ZSCAN5A: variants seen among roughly 807,000 people sequenced by gnomAD.
ZSCAN5A encodes zinc finger and SCAN domain-containing protein 5A.
ZSCAN5A carries 12 observed loss-of-function variants against 23.7 expected under a neutral mutation model. The observed-to-expected ratio is 0.51, with a 90% confidence interval of 0.32 to 0.82. The LOEUF (loss-of-function observed/expected upper bound fraction) is 0.82, where lower values mean the gene tolerates loss of function less well. Ranked by LOEUF, ZSCAN5A falls within the 40% of genes least tolerant of loss-of-function variation. ZSCAN5A has a pLI of 0.03. For synonymous variants in ZSCAN5A, 257 were observed against 239.9 expected, an observed-to-expected ratio of 1.07 and a Z score of -0.66; for missense variants, 597 against 617.9, an observed-to-expected ratio of 0.97 and a Z score of 0.36.
At chr19:56,281,045 CAT>C (rs940432517) in intron 2 of ZSCAN5A, among the ~76,000 whole-genome samples, 16 of 152,144 alleles carry the variant, frequency 1.1e-4, no homozygotes, top group Non-Finnish European at 2.2e-4. Flanking sequence ...TTACTAATAA[CAT>C]AAACAGTAGA....
intron 2 of ZSCAN5A, among the ~76,000 whole-genome samples, chr19:56,337,396 A>G (rs2041549769): frequency 6.6e-6 from 1 of 152,224 alleles, no homozygotes; most frequent in Non-Finnish European, 1.5e-5. Context: ...TGTGGGATAT[A>G]ATCTCCTGGT....
intron 2 of ZSCAN5A, among the ~76,000 whole-genome samples, chr19:56,239,151 C>T (rs1013653212): frequency 3.3e-5 from 5 of 152,108 alleles, no homozygotes; most frequent in Admixed American, 6.5e-5. Context: ...TCACAGGGAG[C>T]TTGAAGTTCA....
intron 2 of ZSCAN5A, chr19:56,247,242 T>C (rs934720508): frequency 1.9e-5 from 8 of 421,562 alleles, no homozygotes; most frequent in African/African-American, 1.4e-4. Flanking sequence ...GTGACATCTG[T>C]CACAAACGGT....
intron 2 of ZSCAN5A, chr19:56,281,695 A>G: frequency 1.0e-6 from 1 of 985,318 alleles, no homozygotes; most frequent in Non-Finnish European, 1.2e-6. Context: ...CCTTCCAGTC[A>G]ACTGTAAGTC....
In ZSCAN5A at chr19:56,243,797, TG is replaced by T. The variant is rs141670569; in HGVS notation, c.-127-18625del. Among the ~76,000 whole-genome samples the T allele has an allele frequency of 1.8e-3, 279 of 151,982 alleles. 1 individual carries two copies. Among genetic ancestry groups the T allele is most frequent in the African/African-American group, 6.3e-3 (262 of 41,506 alleles). On this transcript the variant is annotated intron_variant, in intron 2 of 5. Coordinates refer to ENST00000683990, the MANE Select transcript of ZSCAN5A (RefSeq NM_001322064.3). ...ACAGCGGAAGAGTAACAGGGTGGGT[TG>T]ATTTCCACTGTGCTGAATTCGATGC...
intron 2 of ZSCAN5A, among the ~76,000 whole-genome samples, chr19:56,255,456 C>A (rs1352667101): frequency 6.6e-6 from 1 of 152,080 alleles, no homozygotes; most frequent in Non-Finnish European, 1.5e-5. Flanking sequence ...AAACAAAAAA[C>A]CCAACCTGCC....
At chr19:56,231,874 C>T (rs374730349) in intron 2 of ZSCAN5A, among the ~76,000 whole-genome samples, 18 of 152,272 alleles carry the variant, frequency 1.2e-4, no homozygotes, top group Non-Finnish European at 2.2e-4. Flanking sequence ...CATCCTCCAA[C>T]GCTTCCCCAG....
chr19:56,361,921 G>T (rs1027657462), intron 2 of ZSCAN5A, among the ~76,000 whole-genome samples: 1 of 152,036 alleles, frequency 6.6e-6, no homozygotes, highest in African/African-American at 2.4e-5. Context: ...ACTTTGGGAG[G>T]CCAAGGAGGG....
chr19:56,298,561 G>A (rs1348061443), intron 2 of ZSCAN5A, among the ~76,000 whole-genome samples: 1 of 151,804 alleles, frequency 6.6e-6, no homozygotes, highest in Non-Finnish European at 1.5e-5. Flanking sequence ...GCTGAGGCAG[G>A]AGAATCACTT....
chr19:56,336,717 A>C (rs900716929), intron 2 of ZSCAN5A, among the ~76,000 whole-genome samples: 2 of 152,074 alleles, frequency 1.3e-5, no homozygotes, highest in African/African-American at 4.8e-5. Context: ...TTGTGGTTTT[A>C]TCTACCTTTG....
intron 2 of ZSCAN5A, among the ~76,000 whole-genome samples, chr19:56,330,701 T>C (rs978589552): frequency 2.0e-5 from 3 of 152,284 alleles, no homozygotes; most frequent in East Asian, 1.9e-4. Flanking sequence ...TGTTTAGTTG[T>C]TTACTTTTTA....
At chr19:56,267,259 A>C (rs1411386225) in intron 2 of ZSCAN5A, among the ~76,000 whole-genome samples, 1 of 152,130 alleles carries the variant, frequency 6.6e-6, no homozygotes, top group Non-Finnish European at 1.5e-5. Flanking sequence ...GTCTTCCTAC[A>C]CCAGACTATA....
rs1025552285 is a variant in ZSCAN5A at position 56,352,634 on chromosome 19, G to T, written c.-358+10601C>A. Among the ~76,000 whole-genome samples, 1 of 152,170 alleles carries T rather than the reference G, an allele frequency of 6.6e-6. No homozygotes were observed. Among genetic ancestry groups the T allele is most frequent in the African/African-American group, 2.4e-5 (1 of 41,434 alleles). ...TTGTAGACAATTATCAAAGTAAGGC[G>T]GTCAGTGGGTGGGAAATTACAAAGA... On this transcript the variant is annotated intron_variant, in intron 2 of 6. Transcript: ENST00000587340. This position sits in a 1 kb window ranked among gnomAD's most constrained non-coding sequence, Gnocchi z 4.2.
At chr19:56,240,008 A>C (rs1480593723) in intron 2 of ZSCAN5A, among the ~76,000 whole-genome samples, 1 of 151,994 alleles carries the variant, frequency 6.6e-6, no homozygotes, top group Non-Finnish European at 1.5e-5. Flanking sequence ...CTAAAAATAC[A>C]AAAATTAGCC....
intron 1 of ZSCAN5A, chr19:56,363,424 T>C (rs1228075442): frequency 1.3e-5 from 2 of 152,236 alleles, no homozygotes; most frequent in East Asian, 1.9e-4. Context: ...CAGTGGAGTA[T>C]TGCTATAAAG....
At chr19:56,302,231 A>C (rs1600232953) in intron 2 of ZSCAN5A, 6 of 478,888 alleles carry the variant, frequency 1.3e-5, no homozygotes, top group Admixed American at 8.8e-5. Flanking sequence ...CTTCTGTAAA[A>C]CACTCTCTTC....
intron 2 of ZSCAN5A, among the ~76,000 whole-genome samples, chr19:56,233,448 C>T (rs1244658018): frequency 2.0e-5 from 3 of 152,142 alleles, no homozygotes; most frequent in Admixed American, 2.0e-4. Context: ...GATATTACAG[C>T]TGTGCGCCAT....
intron 2 of ZSCAN5A, among the ~76,000 whole-genome samples, chr19:56,308,060 G>C (rs934096157): frequency 1.3e-5 from 2 of 152,110 alleles, no homozygotes; most frequent in Non-Finnish European, 2.9e-5. Context: ...TTTGAGACAG[G>C]GTCTCGCTCT....
At chr19:56,342,792 G>T (rs955081907) in intron 2 of ZSCAN5A, 1 of 750,790 alleles carries the variant, frequency 1.3e-6, no homozygotes. Context: ...ACAGAGTACT[G>T]AACTGGGACC....
Sources: gnomAD v4.1 joint callset for allele counts (sites outside exome capture counted in the v4.1 genomes callset) on GRCh38, gnomAD v4.1.1 for gene constraint, Gnocchi (gnomAD v3.1) non-coding constraint, MANE v1.5 for transcripts, NCBI Gene and HGNC (gene_info 2026-07-23, HGNC 2026-07-21) for gene names.